CENPK: variants seen among roughly 807,000 people sequenced by gnomAD.
The protein encoded by CENPK is SoxLZ/Sox6-binding protein Solt.
In CENPK, 46 loss-of-function variants were observed where a neutral mutation model predicts 40.9. The observed-to-expected ratio is 1.13, with a 90% confidence interval of 0.89 to 1.44. The LOEUF (loss-of-function observed/expected upper bound fraction) is 1.44, where lower values mean the gene tolerates loss of function less well. CENPK is among the 40% of genes most tolerant of loss of function. CENPK has a pLI of 0.00. For synonymous variants in CENPK, 107 were observed against 104.4 expected (o/e 1.02, Z -0.15); for missense variants, 288 against 303.5 (o/e 0.95, Z 0.38).
At position 65,518,543 on chromosome 5, in the gene CENPK, G is replaced by A. The variant is rs752602369; in HGVS notation, c.742C>T (p.Arg248Cys). The A allele has an allele frequency of 8.1e-6, 13 of 1,612,994 alleles. No homozygotes were observed. Among genetic ancestry groups the A allele is most frequent in the East Asian group, 6.7e-5 (3 of 44,836 alleles). Residue 248 changes from arginine (R) to cysteine (C), a missense_variant, in exon 11 of 11, where the codon CGT becomes TGT. Coordinates refer to ENST00000396679, the MANE Select transcript of CENPK (RefSeq NM_022145.5). Reference sequence around the variant, plus strand: ...GGATGTCTCAAGGCAATTCCATTACGCAGCAGCAGCTCAACATAAGGTGGC... The same window carrying A: ...GGATGTCTCAAGGCAATTCCATTACACAGCAGCAGCTCAACATAAGGTGGC... ...FWPPYVELLL[R>C]NGIALRHPED...
chr5:65,515,492 C>T (rs1015356046), downstream of CENPK, among the ~76,000 whole-genome samples: 3 of 152,064 alleles, frequency 2.0e-5, no homozygotes, highest in African/African-American at 4.8e-5. Context: ...CATGAACCAC[C>T]GCTTCCAGCC....
Position 65,557,497 on chromosome 5 carries a change from C to A in CENPK, c.-39-2551G>T, listed in dbSNP as rs527787827. 2.6e-5 allele frequency among the ~76,000 whole-genome samples: 4 copies of A among 152,326 alleles called. No homozygotes were observed. In the East Asian group the frequency reaches 7.7e-4, roughly 29 times the overall value. On this transcript the variant is annotated intron_variant, in intron 2 of 10. Transcript: ENST00000396679. ...GGAACACTCACCCTTGCAACCCAGG[C>A]ACCATGTTATGCGAAAGCCCAAAGT...
At chr5:65,516,449 T>C (rs1257158346), downstream of CENPK, among the ~76,000 whole-genome samples, 2 of 152,206 alleles carry the variant, frequency 1.3e-5, no homozygotes, top group African/African-American at 4.8e-5. Context: ...CAATCCACCA[T>C]CATGTGAATT....
chr5:65,513,500 T>A (rs551887459), downstream of CENPK, among the ~76,000 whole-genome samples: 8 of 152,182 alleles, frequency 5.3e-5, no homozygotes, highest in Admixed American at 1.3e-4. Context: ...TCCATATAGA[T>A]CTTGTACAAA....
Position 65,518,360 on chromosome 5 carries a change from T to C in CENPK, c.*115A>G, listed in dbSNP as rs960287476. 1.1e-6 allele frequency: 1 copy of C among 875,330 alleles called. No homozygotes were observed. The highest frequency in any genetic ancestry group is 1.7e-6 in the Non-Finnish European group (1 of 575,276). 54.2% of individuals were successfully genotyped at this position (875,330 alleles called of 1,614,324 possible). ...AGCACATGCCATTTTGCAATAAAAGTAAGATGGCCTATGCGCATTAATTTG... is the reference window on the plus strand; with the variant it reads ...AGCACATGCCATTTTGCAATAAAAGCAAGATGGCCTATGCGCATTAATTTG... On this transcript the variant is annotated 3_prime_UTR_variant, in exon 11 of 11. Transcript: ENST00000396679.
intron 2 of CENPK, among the ~76,000 whole-genome samples, chr5:65,558,345 T>C (rs905548858): frequency 6.6e-6 from 1 of 152,200 alleles, no homozygotes; most frequent in South Asian, 2.1e-4. Flanking sequence ...GAATGGGATC[T>C]AGTACATAAG....
At chr5:65,510,724 C>T in the CENPK span, among the ~76,000 whole-genome samples, 2 of 149,860 alleles carry the variant, frequency 1.3e-5, no homozygotes, top group Non-Finnish European at 3.0e-5. Flanking sequence ...TGCAGTGAGC[C>T]GAGATTGTGC....
At chr5:65,520,718 T>G (rs983457077) in intron 10 of CENPK, among the ~76,000 whole-genome samples, 1 of 152,222 alleles carries the variant, frequency 6.6e-6, no homozygotes, top group Non-Finnish European at 1.5e-5. Context: ...CCTAGTTCAT[T>G]AAGTTAAATG....
At chr5:65,560,016 C>T (rs1327762809) in intron 2 of CENPK, among the ~76,000 whole-genome samples, 1 of 151,680 alleles carries the variant, frequency 6.6e-6, no homozygotes, top group African/African-American at 2.4e-5. Flanking sequence ...ATCTTTATGT[C>T]ATTCCTCACT....
intron 9 of CENPK, among the ~76,000 whole-genome samples, chr5:65,522,603 G>GT (rs1431848254): frequency 1.3e-5 from 2 of 151,936 alleles, no homozygotes; most frequent in Non-Finnish European, 1.5e-5. Context: ...TTGTTTATTT[G>GT]TTTGTTTTGT....
the CENPK span, among the ~76,000 whole-genome samples, chr5:65,512,034 C>T: frequency 1.8e-4 from 28 of 152,142 alleles, no homozygotes; most frequent in Admixed American, 1.7e-3. Context: ...TTCTAAACTT[C>T]ATGGATGACT....
At chr5:65,559,575 G>A (rs574588719) in intron 2 of CENPK, among the ~76,000 whole-genome samples, 5 of 147,298 alleles carry the variant, frequency 3.4e-5, no homozygotes, top group African/African-American at 1.3e-4. Flanking sequence ...CTTGCAGTGA[G>A]CCGAGATCCC....
intron 5 of CENPK, among the ~76,000 whole-genome samples, chr5:65,546,832 C>T (rs1160779531): frequency 6.6e-6 from 1 of 152,072 alleles, no homozygotes; most frequent in Non-Finnish European, 1.5e-5. Context: ...CTTGTATCTT[C>T]CAGAATTGTG....
At chr5:65,524,423 G>A (rs1744300789) in intron 9 of CENPK, among the ~76,000 whole-genome samples, 3 of 150,560 alleles carry the variant, frequency 2.0e-5, no homozygotes, top group Non-Finnish European at 4.4e-5. Flanking sequence ...GGCTGAGTCG[G>A]GCGGATCATA....
chr5:65,521,639 C>T (rs1467606956), intron 9 of CENPK, 111 bp from the exon 10 acceptor site: 14 of 773,136 alleles, frequency 1.8e-5, no homozygotes, highest in African/African-American at 1.1e-4. Context: ...TCATTCTTGG[C>T]GCCCAGGCTG....
the CENPK span, among the ~76,000 whole-genome samples, chr5:65,511,141 T>TTTAATTCTA: frequency 6.6e-6 from 1 of 152,306 alleles, no homozygotes; most frequent in African/African-American, 2.4e-5. Context: ...CCTTAACTCT[T>TTTAATTCTA]TTAATTCTAT....
At position 65,551,642 on chromosome 5, in the gene CENPK, AAAG is replaced by A. The variant is rs766025641; in HGVS notation, c.169-9_169-7del. On this transcript the variant is annotated splice_region_variant and splice_polypyrimidine_tract_variant and intron_variant, in intron 4 of 10. Coordinates refer to ENST00000396679, the MANE Select transcript of CENPK (RefSeq NM_022145.5). ...TGCATAATTAACAATGATAGCTACAAAAGAAGAAAACAAAGTCATTTTCTGTGG... is the reference window on the plus strand; with the variant it reads ...TGCATAATTAACAATGATAGCTACAAAAGAAAACAAAGTCATTTTCTGTGG... 8 of 1,517,764 alleles carry A rather than the reference AAAG, an allele frequency of 5.3e-6. No homozygotes were observed. The African/African-American group carries it at 1.1e-4, about 21-fold the overall frequency. The allele number at this position is 1,517,764 out of a possible 1,614,324, so 94.0% of individuals were successfully genotyped here. A position where few individuals can be genotyped will look rare whatever the true frequency, so the allele number is the denominator to read the frequency against.
At chr5:65,555,279 A>G in intron 2 of CENPK, 1 of 164,976 alleles carries the variant, frequency 6.1e-6, no homozygotes, top group South Asian at 1.8e-4. Context: ...GAAGAAGATA[A>G]AGAAATGAGG....
In CENPK at chr5:65,528,530, C is replaced by G. The variant is rs376864120; in HGVS notation, c.519G>C (p.Lys173Asn). Residue 173 changes from lysine (K) to asparagine (N), a missense_variant, in exon 9 of 11, where the codon AAG becomes AAC. By Grantham distance (94) the Lys-to-Asn change is moderately conservative. Transcript: ENST00000396679. ...CGCCCAAGGTACTCAAGAGTTTCTC[C>G]TTATATTCTTTTATATTAAGCATTT... ...KTKMLNIKEY[K>N]EKLLSTLGEF... 6 of 1,598,520 alleles carry G rather than the reference C, an allele frequency of 3.8e-6. No homozygotes were observed. In the African/African-American group the frequency reaches 8.1e-5, roughly 22 times the overall value.
Sources: gnomAD v4.1 joint callset for allele counts (sites outside exome capture counted in the v4.1 genomes callset) on GRCh38, gnomAD v4.1.1 for gene constraint, MANE v1.5 for transcripts, NCBI Gene and HGNC (gene_info 2026-07-23, HGNC 2026-07-21) for gene names.